The following LCOR variants were observed in gnomAD, a reference collection of about 807,000 sequenced individuals.
LCOR encodes ligand-dependent corepressor.
In LCOR, 14 loss-of-function variants were observed where a neutral mutation model predicts 64.4. The ratio of observed to expected loss-of-function variants is 0.22; its 90% CI spans 0.14 to 0.34. The LOEUF is 0.34. Among genes scored for constraint, LCOR ranks in the 10% least tolerant of loss-of-function variants. LCOR has a pLI of 1.00. For synonymous variants in LCOR, 643 were observed against 642.5 expected (o/e 1.00, Z -0.01); for missense variants, 1,686 against 1,765.3 (o/e 0.96, Z 0.80).
At chr10:96,960,508 A>G (rs539124429) in intron 7 of LCOR, 13 of 152,260 alleles carry the variant, frequency 8.5e-5, no homozygotes, top group Non-Finnish European at 1.6e-4. Flanking sequence ...TTTTCTGTAT[A>G]TTCAGGTTGC....
In LCOR at chr10:96,992,493, G is replaced by T. The variant is rs547393163; in HGVS notation, c.*7359G>T. 1 of 152,378 alleles carries T rather than the reference G, an allele frequency of 6.6e-6. No individual in the cohort carries two copies. The highest frequency in any genetic ancestry group is 1.9e-4 in the East Asian group (1 of 5,194). 9.4% of individuals were successfully genotyped at this position (152,378 alleles called of 1,614,324 possible). A position where few individuals can be genotyped will look rare whatever the true frequency, so the allele number is the denominator to read the frequency against. ...CTGTATTTGGACAGATGCAACAGAA[G>T]CACGTCTCCCCCACTGTCACCCCAT... On this transcript the variant is annotated 3_prime_UTR_variant, in exon 8 of 8. Transcript: ENST00000421806.
rs771013555 is a variant in LCOR at position 96,982,325 on chromosome 10, C to T, written c.1865C>T (p.Ala622Val). The T allele has an allele frequency of 5.0e-6, 8 of 1,614,214 alleles. No individual in the cohort carries two copies. Among genetic ancestry groups the T allele is most frequent in the East Asian group, 2.2e-5 (1 of 44,886 alleles). The part of the protein sequence containing the change: ...TASSLVWPLP[A>V]HLPEEDLPEG... ...TCCAGCCTGGTGTGGCCTCTCCCTG[C>T]TCACCTTCCTGAAGAGGACCTGCCA... The change falls in exon 8 of 8, where the codon GCT (alanine) becomes GTT (valine). Residue 622 changes from alanine to valine, a missense_variant. Around this residue, in one of 3 missense-constraint regions of LCOR, gnomAD observed 1,293 missense variants for 1,410.4 expected, o/e 0.92. Coordinates refer to ENST00000421806, the MANE Select transcript of LCOR (RefSeq NM_001346516.2).
chr10:96,832,964 G>A, intron 1 of LCOR: 1 of 983,034 alleles, frequency 1.0e-6, no homozygotes, highest in Non-Finnish European at 1.2e-6. Flanking sequence ...TGTGCGAAGC[G>A]TGAGGTGGAG....
intron 2 of LCOR, among the ~76,000 whole-genome samples, chr10:96,855,468 CTT>C (rs1427550018): frequency 6.6e-6 from 1 of 151,696 alleles, no homozygotes; most frequent in East Asian, 1.9e-4. Flanking sequence ...GAGTTTCGCT[CTT>C]GTTGCCCAGG....
Position 96,931,376 on chromosome 10 carries a change from G to T in LCOR, c.-183-12737G>T, listed in dbSNP as rs190043618. Among the ~76,000 whole-genome samples, 10 of 152,078 alleles carry T rather than the reference G, an allele frequency of 6.6e-5. No homozygotes were observed. In the East Asian group the frequency reaches 1.9e-3, roughly 29 times the overall value. On this transcript the variant is annotated intron_variant, in intron 4 of 7. Transcript: ENST00000421806. ...AGCTTCCTGAGTAGCTGGGACTACAGGTGCACACTACCATGCCTGGGTAGT... is the reference window on the plus strand; with the variant it reads ...AGCTTCCTGAGTAGCTGGGACTACATGTGCACACTACCATGCCTGGGTAGT...
At chr10:96,878,266 C>A (rs536494517) in intron 2 of LCOR, among the ~76,000 whole-genome samples, 3 of 152,008 alleles carry the variant, frequency 2.0e-5, no homozygotes, top group South Asian at 4.2e-4. Flanking sequence ...TGGTTGCTTA[C>A]GTTGATAATT....
At chr10:96,961,956 C>T (rs925492537) in intron 7 of LCOR, 1 of 151,252 alleles carries the variant, frequency 6.6e-6, no homozygotes, top group Admixed American at 6.6e-5. Flanking sequence ...ATTAAGAAAG[C>T]GCTTGTCCAA....
intron 2 of LCOR, among the ~76,000 whole-genome samples, chr10:96,887,826 A>G (rs1480417212): frequency 1.3e-5 from 2 of 151,246 alleles, no homozygotes; most frequent in African/African-American, 4.8e-5. Flanking sequence ...GATTACAGGC[A>G]TTCACCACCA....
chr10:96,939,853 C>G (rs1847418552), intron 4 of LCOR, among the ~76,000 whole-genome samples: 1 of 152,216 alleles, frequency 6.6e-6, no homozygotes, highest in Admixed American at 6.5e-5. Flanking sequence ...GTCTCAGCTA[C>G]TCTGGAGGCT....
intron 4 of LCOR, among the ~76,000 whole-genome samples, chr10:96,924,283 G>C (rs907687502): frequency 2.0e-5 from 3 of 152,134 alleles, no homozygotes; most frequent in African/African-American, 7.2e-5. Context: ...GCTCGCTGCA[G>C]CTTCAACCTC....
At chr10:96,839,657 G>C (rs1388924987) in intron 2 of LCOR, among the ~76,000 whole-genome samples, 1 of 151,980 alleles carries the variant, frequency 6.6e-6, no homozygotes, top group Non-Finnish European at 1.5e-5. Context: ...TAAAAACCCA[G>C]ACATCTGACA....
chr10:96,955,434 C>G, intron 7 of LCOR: 2 of 1,614,170 alleles, frequency 1.2e-6, no homozygotes, highest in Non-Finnish European at 8.5e-7. Flanking sequence ...CACTGGTGAT[C>G]AGTACAGCTA....
chr10:96,886,940 T>G (rs1421693309), intron 2 of LCOR, among the ~76,000 whole-genome samples: 1 of 152,208 alleles, frequency 6.6e-6, no homozygotes, highest in African/African-American at 2.4e-5. Flanking sequence ...AGTTGTAACT[T>G]TAATAAATAG....
In LCOR at chr10:96,895,813, C is replaced by A. The variant is rs116065078; in HGVS notation, c.-329-11452C>A. The stretch of plus-strand genomic sequence containing the variant: ...CTTCATTGAGTGCTCAGAAATGTTA[C>A]CTCCTTTGCCTGTAATCCCAGTGTT... On this transcript the variant is annotated intron_variant, in intron 2 of 7. Coordinates refer to ENST00000421806, the MANE Select transcript of LCOR (RefSeq NM_001346516.2). 7.2e-3 allele frequency among the ~76,000 whole-genome samples: 1,101 copies of A among 152,326 alleles called. 14 individuals carry two copies. Among genetic ancestry groups the A allele is most frequent in the African/African-American group, 0.026 (1,063 of 41,562 alleles).
intron 7 of LCOR, chr10:96,961,095 A>G (rs979277281): frequency 1.3e-5 from 2 of 152,114 alleles, no homozygotes; most frequent in African/African-American, 4.8e-5. Flanking sequence ...AGAAGAGGCT[A>G]AAAATTCTGC....
intron 2 of LCOR, among the ~76,000 whole-genome samples, chr10:96,853,483 A>T (rs1371014821): frequency 6.6e-6 from 1 of 152,246 alleles, no homozygotes; most frequent in Non-Finnish European, 1.5e-5. Context: ...GTGATGTATA[A>T]CTAGAAGCAT....
At chr10:96,917,846 A>G (rs1846981730) in intron 4 of LCOR, among the ~76,000 whole-genome samples, 1 of 152,232 alleles carries the variant, frequency 6.6e-6, no homozygotes, top group South Asian at 2.1e-4. Context: ...TTAGGCTTCC[A>G]TCCCAGATGG....
chr10:96,893,717 C>T (rs866020019), intron 2 of LCOR, among the ~76,000 whole-genome samples: 28 of 150,542 alleles, frequency 1.9e-4, no homozygotes, highest in South Asian at 6.3e-4. Flanking sequence ...AAGCCAAGAT[C>T]GCGCCACTAC....
rs1848101147 is a variant in LCOR, at chr10:96,982,557, A to G, written c.2097A>G (p.Glu699=). ...CTCCTCCTGAAATAGTCAGTAGAGA[A>G]GAAAGTCCTCAGTGCTCAGAAAATC... ...PHSPPEIVSR[E]ESPQCSENQS... The change falls in exon 8 of 8, where the codon GAA becomes GAG. Residue 699 remains glutamate (E), a synonymous_variant. Coordinates refer to ENST00000421806, the MANE Select transcript of LCOR (RefSeq NM_001346516.2). 1 of 1,614,074 alleles carries G rather than the reference A, an allele frequency of 6.2e-7. No individual in the cohort carries two copies. Among genetic ancestry groups the G allele is most frequent in the African/African-American group, 1.3e-5 (1 of 74,952 alleles).
Sources: allele counts gnomAD v4.1 joint callset (sites outside exome capture counted in the v4.1 genomes callset), GRCh38; gene constraint gnomAD v4.1.1; regional missense constraint gnomAD v4.1.1; transcripts MANE v1.5; gene names NCBI Gene and HGNC (gene_info 2026-07-23, HGNC 2026-07-21).